The following DIPK1A variants were observed in gnomAD, a reference collection of about 807,000 sequenced individuals.
DIPK1A encodes the protein divergent protein kinase domain 1A.
DIPK1A carries 27 observed loss-of-function variants against 40.8 expected under a neutral mutation model. That is an observed-to-expected ratio of 0.66 (90% CI 0.49 to 0.91). DIPK1A has a LOEUF of 0.91. Among genes scored for constraint, DIPK1A ranks in the 40% least tolerant of loss-of-function variants. The pLI is 0.00. For synonymous variants in DIPK1A, 166 were observed against 171.3 expected, an observed-to-expected ratio of 0.97 and a Z score of 0.24; for missense variants, 412 against 505.7, an observed-to-expected ratio of 0.81 and a Z score of 1.78.
intron 1 of DIPK1A, among the ~76,000 whole-genome samples, chr1:92,957,960 TA>T (rs1449343713): frequency 6.6e-6 from 1 of 152,244 alleles, no homozygotes; most frequent in Admixed American, 6.5e-5. Context: ...GGACATCTCA[TA>T]TGAATGAAAT....
At chr1:92,922,202 A>C (rs139251523) in intron 1 of DIPK1A, among the ~76,000 whole-genome samples, 2 of 131,338 alleles carry the variant, frequency 1.5e-5, no homozygotes, top group East Asian at 3.9e-4. Context: ...ATTTTCCTTT[A>C]TCTATAGTTT....
intron 1 of DIPK1A, among the ~76,000 whole-genome samples, chr1:92,949,194 C>T (rs2100907378): frequency 6.6e-6 from 1 of 152,196 alleles, no homozygotes; most frequent in South Asian, 2.1e-4. Context: ...CTTCACCTTC[C>T]TTCAGGAAGT....
In DIPK1A at chr1:92,961,420, TC is replaced by T; in HGVS notation, c.9del (p.Ser4ValfsTer8). 1 of 1,519,534 alleles carries T rather than the reference TC, an allele frequency of 6.6e-7. No individual in the cohort carries two copies. The highest frequency in any genetic ancestry group is 1.2e-5 in the South Asian group (1 of 83,820). 94.1% of individuals were successfully genotyped at this position (1,519,534 alleles called of 1,614,324 possible). On this transcript the variant is annotated frameshift_variant, in exon 1 of 5. Coordinates refer to ENST00000370310, the MANE Select transcript of DIPK1A (RefSeq NM_001006605.5). LOFTEE classifies it high-confidence loss of function. Reference sequence around the variant, plus strand: ...CTTAGCCAGGCCCCCGGACAGAGACTCCTCGCCATGGTAATCACACATCGCC... The same window carrying T: ...CTTAGCCAGGCCCCCGGACAGAGACTCTCGCCATGGTAATCACACATCGCC... Reference protein sequence around the residue: MARSLCPGAWLRK... With the variant: MAXSLCPGAWLRK...
intron 1 of DIPK1A, among the ~76,000 whole-genome samples, chr1:92,922,814 A>C (rs540890306): frequency 1.3e-5 from 2 of 152,126 alleles, no homozygotes; most frequent in Non-Finnish European, 2.9e-5. Context: ...CCAGTACAAC[A>C]CTCTCTAGTC....
intron 1 of DIPK1A, among the ~76,000 whole-genome samples, chr1:92,919,255 C>T (rs1210356742): frequency 6.6e-6 from 1 of 152,126 alleles, no homozygotes; most frequent in Non-Finnish European, 1.5e-5. Context: ...GAGACCTTAC[C>T]ATTCTCTTAA....
intron 2 of DIPK1A, among the ~76,000 whole-genome samples, chr1:92,861,323 T>C (rs866682253): frequency 4.1e-5 from 5 of 121,360 alleles, no homozygotes; most frequent in Admixed American, 8.8e-5. Context: ...CTCTCTCTCT[T>C]TTTTTTTTTT....
chr1:92,877,961 T>C (rs913996738), intron 1 of DIPK1A, among the ~76,000 whole-genome samples: 7 of 152,184 alleles, frequency 4.6e-5, no homozygotes, highest in Non-Finnish European at 4.4e-5. Context: ...GCTAAATCAA[T>C]TTGCAAGTCA....
intron 1 of DIPK1A, among the ~76,000 whole-genome samples, chr1:92,958,246 G>A (rs910999126): frequency 5.3e-5 from 8 of 152,150 alleles, no homozygotes; most frequent in South Asian, 2.1e-4. Flanking sequence ...TTCCAAAAGC[G>A]TTACCAAATG....
chr1:92,849,138 G>C (rs774776831), intron 3 of DIPK1A, among the ~76,000 whole-genome samples: 1 of 152,050 alleles, frequency 6.6e-6, no homozygotes, highest in Non-Finnish European at 1.5e-5. Context: ...ATTTCAGAAA[G>C]GTCTTCTCTG....
chr1:92,860,646 A>AAAAAAAAAACCAGGTG (rs148916481), intron 2 of DIPK1A, among the ~76,000 whole-genome samples: 1 of 105,210 alleles, frequency 9.5e-6, no homozygotes, highest in African/African-American at 3.7e-5. Context: ...AAAAAAAAAA[A>AAAAAAAAAACCAGGTG]TGGTGGTGTG....
At chr1:92,882,314 G>A (rs949353618) in intron 1 of DIPK1A, among the ~76,000 whole-genome samples, 2 of 152,202 alleles carry the variant, frequency 1.3e-5, no homozygotes, top group African/African-American at 4.8e-5. Flanking sequence ...CTTGAACCAG[G>A]GAGGCAGAGG....
chr1:92,857,932 C>T lies in DIPK1A; in HGVS notation c.190-6977G>A, dbSNP rs12030648. Among the ~76,000 whole-genome samples, 115 of 152,274 alleles carry T rather than the reference C, an allele frequency of 7.6e-4. No individual in the cohort carries two copies. The East Asian group carries it at 0.021, about 28-fold the overall frequency. On this transcript the variant is annotated intron_variant, in intron 2 of 4. Coordinates refer to ENST00000370310, the MANE Select transcript of DIPK1A (RefSeq NM_001006605.5). ...TTTAGCACCGACTGTGTCAGATACC[C>T]CTCCCGAGTGCACCCACTAAAGGTG...
intron 1 of DIPK1A, among the ~76,000 whole-genome samples, chr1:92,947,921 T>C (rs927803395): frequency 6.6e-6 from 1 of 152,152 alleles, no homozygotes; most frequent in Non-Finnish European, 1.5e-5. Context: ...GAGGAATAGC[T>C]AAAGATTGGT....
At chr1:92,915,083 CAAAAAAAA>C (rs10583235) in intron 1 of DIPK1A, among the ~76,000 whole-genome samples, 1 of 80,080 alleles carries the variant, frequency 1.2e-5, no homozygotes, top group Non-Finnish European at 2.3e-5. Context: ...GCAAGACTGT[CAAAAAAAA>C]AAAAAAAAAA....
At chr1:92,899,301 C>A (rs999713910) in intron 1 of DIPK1A, among the ~76,000 whole-genome samples, 1 of 152,098 alleles carries the variant, frequency 6.6e-6, no homozygotes, top group African/African-American at 2.4e-5. Flanking sequence ...TATGTAATGA[C>A]CTTCTTTGCC....
At chr1:92,871,217 G>A (rs1318282487) in intron 2 of DIPK1A, among the ~76,000 whole-genome samples, 1 of 152,030 alleles carries the variant, frequency 6.6e-6, no homozygotes, top group African/African-American at 2.4e-5. Flanking sequence ...CCAGGCTGGA[G>A]TACAGTGGCA....
intron 1 of DIPK1A, among the ~76,000 whole-genome samples, chr1:92,956,480 T>C (rs1651859373): frequency 6.6e-6 from 1 of 152,162 alleles, no homozygotes; most frequent in Non-Finnish European, 1.5e-5. Flanking sequence ...CTATACAAAC[T>C]ACAGATCTTC....
chr1:92,933,433 T>G (rs1650833930), intron 1 of DIPK1A: 1 of 152,202 alleles, frequency 6.6e-6, no homozygotes, highest in South Asian at 2.1e-4. Flanking sequence ...GTGGGGTGGT[T>G]CCCATCTATA....
At chr1:92,853,235 G>C (rs770937553) in intron 2 of DIPK1A, among the ~76,000 whole-genome samples, 42 of 152,082 alleles carry the variant, frequency 2.8e-4, no homozygotes, top group Non-Finnish European at 5.6e-4. Context: ...AAGTGGAAAA[G>C]AAAAAATATT....
Sources: allele counts gnomAD v4.1 joint callset (sites outside exome capture counted in the v4.1 genomes callset), GRCh38; gene constraint gnomAD v4.1.1; transcripts MANE v1.5; gene names NCBI Gene and HGNC (gene_info 2026-07-23, HGNC 2026-07-21).